TERF2: variants seen among roughly 807,000 people sequenced by gnomAD.
TERF2 encodes telomeric repeat binding factor 2.
TERF2 carries 16 observed loss-of-function variants against 56.1 expected under a neutral mutation model. That is an observed-to-expected ratio of 0.29 (90% CI 0.19 to 0.43). TERF2 has a LOEUF of 0.43. TERF2 is among the 20% of genes least tolerant of loss of function. TERF2 has a pLI of 1.00. For missense variants in TERF2, 547 were observed against 712.9 expected (o/e 0.77, Z 2.65); for synonymous variants, 296 against 282.1 (o/e 1.05, Z -0.50).
intron 5 of TERF2, 34 bp from the exon 6 acceptor site, chr16:69,368,516 G>T: frequency 6.2e-7 from 1 of 1,612,164 alleles, no homozygotes. Flanking sequence ...GGAAGAAGAG[G>T]CCACAGAATT....
chr16:69,383,212 CCA>C (rs1405163534), intron 3 of TERF2, among the ~76,000 whole-genome samples: 2 of 152,070 alleles, frequency 1.3e-5, no homozygotes, highest in Non-Finnish European at 2.9e-5. Context: ...CTGAAATGCT[CCA>C]ATGAGCATTT....
chr16:69,366,713 C>G (rs1404871668), intron 7 of TERF2, 94 bp downstream of exon 7: 1 of 1,464,106 alleles, frequency 6.8e-7, no homozygotes, highest in South Asian at 1.4e-5. Flanking sequence ...TGGTGAGTAA[C>G]TTAGCTGAAA....
chr16:69,381,007 G>C (rs1476759526), intron 3 of TERF2, among the ~76,000 whole-genome samples: 2 of 151,918 alleles, frequency 1.3e-5, no homozygotes, highest in Non-Finnish European at 2.9e-5. Flanking sequence ...GTTTCACTAT[G>C]TTGGCCAGGC....
intron 4 of TERF2, among the ~76,000 whole-genome samples, 167 bp downstream of exon 4, chr16:69,372,102 A>G (rs918122177): frequency 6.6e-6 from 1 of 152,264 alleles, no homozygotes; most frequent in Non-Finnish European, 1.5e-5. Context: ...TGAAAAGCCA[A>G]TCTTACAGTG....
intron 3 of TERF2, among the ~76,000 whole-genome samples, chr16:69,375,990 T>G (rs1389514803): frequency 6.6e-6 from 1 of 152,206 alleles, no homozygotes; most frequent in Non-Finnish European, 1.5e-5. Flanking sequence ...GATTTGTAAA[T>G]ATTTTCTCCC....
In TERF2 at chr16:69,357,088, C is replaced by T. The variant is rs764890055; in HGVS notation, c.1471-32G>A. ...AAGAAAACCAAAAGATTTATTACCACCTTTCCTCTCCACTTACTTACATTT... is the reference window on the plus strand; with the variant it reads ...AAGAAAACCAAAAGATTTATTACCATCTTTCCTCTCCACTTACTTACATTT... On this transcript the variant is annotated intron_variant, in intron 9 of 9. Coordinates refer to ENST00000254942, the MANE Select transcript of TERF2 (RefSeq NM_005652.5). 48 of 1,586,766 alleles carry T rather than the reference C, an allele frequency of 3.0e-5. No individual in the cohort carries two copies. In the South Asian group the frequency reaches 5.6e-4, roughly 18 times the overall value.
At chr16:69,377,168 A>T (rs2013823498) in intron 3 of TERF2, among the ~76,000 whole-genome samples, 1 of 148,816 alleles carries the variant, frequency 6.7e-6, no homozygotes, top group Non-Finnish European at 1.5e-5. Context: ...GTGCCACTGC[A>T]CTCCAGCCTG....
At chr16:69,368,341 G>T in intron 6 of TERF2, 35 bp downstream of exon 6, 1 of 1,604,172 alleles carries the variant, frequency 6.2e-7, no homozygotes, top group Non-Finnish European at 8.5e-7. Flanking sequence ...CCACCCTAGT[G>T]TTTTACCCAA....
At chr16:69,373,051 G>A (rs888667212) in intron 3 of TERF2, among the ~76,000 whole-genome samples, 97 of 152,208 alleles carry the variant, frequency 6.4e-4, no homozygotes, top group African/African-American at 2.2e-3. Context: ...GGGGGATGAG[G>A]GAGGGAGGAT....
rs2014120401 is a variant in TERF2 at position 69,384,603 on chromosome 16, T to C, written c.583A>G (p.Ser195Gly). Residue 195 changes from serine to glycine, a missense_variant, in exon 3 of 10, where the codon AGT becomes GGT. Coordinates refer to ENST00000254942, the MANE Select transcript of TERF2 (RefSeq NM_005652.5). ...ACAGCTTCCTTGACCAGTTTTCTACTGGATTCGACCACTGCTTCTGTCAGT... is the reference window on the plus strand; with the variant it reads ...ACAGCTTCCTTGACCAGTTTTCTACCGGATTCGACCACTGCTTCTGTCAGT... Reference protein sequence around the residue: ...FTLTEAVVESSRKLVKEAAVI... With the variant: ...FTLTEAVVESGRKLVKEAAVI... The C allele has an allele frequency of 1.1e-5, 18 of 1,613,596 alleles. No homozygotes were observed. Among genetic ancestry groups the C allele is most frequent in the South Asian group, 4.4e-5 (4 of 90,974 alleles).
intron 3 of TERF2, among the ~76,000 whole-genome samples, chr16:69,380,572 G>T (rs891736041): frequency 2.0e-5 from 3 of 150,720 alleles, no homozygotes; most frequent in African/African-American, 7.3e-5. Flanking sequence ...GTGTAGAACT[G>T]CTTGAACCCA....
intron 3 of TERF2, among the ~76,000 whole-genome samples, chr16:69,376,758 G>C (rs1220954333): frequency 2.0e-5 from 3 of 150,818 alleles, no homozygotes; most frequent in Non-Finnish European, 4.4e-5. Context: ...TATTCAAGAG[G>C]GTAAAGTGGG....
At chr16:69,363,106 T>C (rs1378872732) in intron 7 of TERF2, among the ~76,000 whole-genome samples, 2 of 152,216 alleles carry the variant, frequency 1.3e-5, no homozygotes, top group Non-Finnish European at 2.9e-5. Flanking sequence ...TGAGAATAAT[T>C]TACTTGAGAC....
At chr16:69,361,238 GAAAA>G in intron 8 of TERF2, 162 bp downstream of exon 8, 2 of 538,362 alleles carry the variant, frequency 3.7e-6, no homozygotes, top group African/African-American at 2.3e-5. Flanking sequence ...TCTGAAAAAG[GAAAA>G]AAAAAAAAAA....
chr16:69,379,210 G>C (rs2013906437), intron 3 of TERF2, among the ~76,000 whole-genome samples: 1 of 152,186 alleles, frequency 6.6e-6, no homozygotes, highest in African/African-American at 2.4e-5. Context: ...CAGAACTGAA[G>C]AATAAAGAAG....
Position 69,385,913 on chromosome 16 carries a change from G to A in TERF2, c.59C>T (p.Pro20Leu). Residue 20 changes from proline (P) to leucine (L), a missense_variant, in exon 1 of 10, where the codon CCA becomes CTA. Pro to Leu is a moderately conservative substitution (Grantham distance 98). This residue lies in a region of TERF2 where 85 missense variants were observed against 59.5 expected (regional missense o/e 1.43). Transcript: ENST00000254942. ...PASGPGVVRD[P>L]AASQPRKRPG... ...CCGCTTCCTCGGCTGTGACGCCGCT[G>A]GGTCACGCACGACGCCCGGGCCGGA... The A allele has an allele frequency of 1.4e-6, 2 of 1,391,724 alleles. No homozygotes were observed. The highest frequency in any genetic ancestry group is 1.9e-6 in the Non-Finnish European group (2 of 1,072,004). 86.2% of individuals were successfully genotyped at this position (1,391,724 alleles called of 1,614,324 possible). A position where few individuals can be genotyped will look rare whatever the true frequency, so the allele number is the denominator to read the frequency against.
rs773981277 is a variant in TERF2 at position 69,385,916 on chromosome 16, T to A, written c.56A>T (p.Asp19Val). 4 of 1,390,662 alleles carry A rather than the reference T, an allele frequency of 2.9e-6. No homozygotes were observed. Among genetic ancestry groups the A allele is most frequent in the Non-Finnish European group, 2.8e-6 (3 of 1,071,616 alleles). The allele number at this position is 1,390,662 out of a possible 1,614,324, so 86.1% of individuals were successfully genotyped here. The part of the protein sequence containing the change: ...GPASGPGVVR[D>V]PAASQPRKRP... ...CTTCCTCGGCTGTGACGCCGCTGGG[T>A]CACGCACGACGCCCGGGCCGGAAGC... Residue 19 changes from aspartate (D) to valine (V), a missense_variant, in exon 1 of 10, where the codon GAC (aspartate) becomes GTC (valine). Physicochemically the swap from Asp to Val is radical, Grantham distance 152. Coordinates refer to ENST00000254942, the MANE Select transcript of TERF2 (RefSeq NM_005652.5).
chr16:69,372,593 T>C (rs1251261135), intron 3 of TERF2, among the ~76,000 whole-genome samples: 1 of 151,986 alleles, frequency 6.6e-6, no homozygotes, highest in East Asian at 1.9e-4. Flanking sequence ...AGAAACCCCA[T>C]CTCTACTAAA....
chr16:69,377,428 A>G (rs2013836047), intron 3 of TERF2, among the ~76,000 whole-genome samples: 1 of 151,948 alleles, frequency 6.6e-6, no homozygotes. Context: ...CGCAGGTTCA[A>G]GAGATTCTCC....
Sources: gnomAD v4.1 joint callset for allele counts (sites outside exome capture counted in the v4.1 genomes callset) on GRCh38, gnomAD v4.1.1 for gene constraint, gnomAD v4.1.1 regional missense constraint, MANE v1.5 for transcripts, NCBI Gene and HGNC (gene_info 2026-07-23, HGNC 2026-07-21) for gene names.